The following BAIAP2 variants were observed in gnomAD, a reference collection of about 807,000 sequenced individuals.
The protein encoded by BAIAP2 is BAR/IMD domain containing adaptor protein 2, also known as BAR/IMD domain-containing adapter protein 2.
Under a neutral mutation model 63.0 loss-of-function variants are expected in BAIAP2, and 18 were observed. The ratio of observed to expected loss-of-function variants is 0.29; its 90% confidence interval spans 0.20 to 0.42. BAIAP2 has a LOEUF of 0.42. Among genes scored for constraint, BAIAP2 ranks in the 10% least tolerant of loss-of-function variants. BAIAP2 has a pLI of 1.00. For synonymous variants in BAIAP2, 386 were observed against 307.6 expected (o/e 1.25, Z -2.67); for missense variants, 610 against 734.3 (o/e 0.83, Z 1.96).
At chr17:81,045,899 C>G (rs1279819333) in intron 1 of BAIAP2, among the ~76,000 whole-genome samples, 3 of 152,156 alleles carry the variant, frequency 2.0e-5, no homozygotes, top group Non-Finnish European at 4.4e-5. Context: ...GGGGACCAGC[C>G]CCCTCTGTTG....
At chr17:81,078,161 T>C (rs1598663305) in intron 3 of BAIAP2, among the ~76,000 whole-genome samples, 2 of 139,254 alleles carry the variant, frequency 1.4e-5, no homozygotes, top group African/African-American at 2.7e-5. Context: ...AGCTGGATGC[T>C]GTGGGTGCGG....
chr17:81,110,954 GAGTT>G (rs753617957), intron 13 of BAIAP2: 1 of 1,613,922 alleles, frequency 6.2e-7, no homozygotes. Context: ...CGCCTGACTA[GAGTT>G]AGTAAGTTGC....
At chr17:81,056,275 T>C (rs2049543737) in intron 2 of BAIAP2, 1 of 152,256 alleles carries the variant, frequency 6.6e-6, no homozygotes, top group Non-Finnish European at 1.5e-5. Context: ...AGACCAGTTG[T>C]TCATCTCTTC....
intron 4 of BAIAP2, 112 bp from the exon 5 acceptor site, chr17:81,085,542 C>A: frequency 1.1e-6 from 1 of 889,364 alleles, no homozygotes; most frequent in Non-Finnish European, 1.8e-6. Context: ...GCCCCTCCTG[C>A]ACAGCCGGGA....
intron 6 of BAIAP2, among the ~76,000 whole-genome samples, chr17:81,099,212 G>C (rs2058151699): frequency 8.4e-6 from 1 of 118,872 alleles, no homozygotes; most frequent in African/African-American, 3.2e-5. Context: ...CCTCTTGTCT[G>C]ATCCTCCCCA....
intron 1 of BAIAP2, among the ~76,000 whole-genome samples, chr17:81,050,207 A>AG (rs1256284345): frequency 6.6e-6 from 1 of 152,192 alleles, no homozygotes; most frequent in African/African-American, 2.4e-5. Context: ...CCGCCCGGGA[A>AG]GGGGAGTCCC....
chr17:81,110,090 G>A, intron 13 of BAIAP2: 1 of 985,350 alleles, frequency 1.0e-6, no homozygotes, highest in Non-Finnish European at 1.2e-6. Flanking sequence ...GGGGAATTGA[G>A]TGCAGGGCAC....
chr17:81,089,100 G>A (rs563921828), intron 6 of BAIAP2, among the ~76,000 whole-genome samples: 100 of 152,384 alleles, frequency 6.6e-4, no homozygotes, highest in Non-Finnish European at 9.8e-4. Flanking sequence ...ATTTACTCCC[G>A]AGGCTGTGTG....
chr17:81,093,980 G>T (rs2057244894), intron 6 of BAIAP2, among the ~76,000 whole-genome samples: 1 of 136,286 alleles, frequency 7.3e-6, no homozygotes, highest in South Asian at 2.2e-4. Flanking sequence ...ATGTTTCTCT[G>T]GAGTAACATC....
At chr17:81,057,175 G>A (rs1308739239) in intron 2 of BAIAP2, among the ~76,000 whole-genome samples, 1 of 152,230 alleles carries the variant, frequency 6.6e-6, no homozygotes, top group Non-Finnish European at 1.5e-5. Context: ...GTCAGGGCGG[G>A]GCTCCCTGTC....
chr17:81,039,253 C>T (rs1031962582), intron 1 of BAIAP2, among the ~76,000 whole-genome samples: 2 of 152,256 alleles, frequency 1.3e-5, no homozygotes, highest in Non-Finnish European at 2.9e-5. Flanking sequence ...GTCATGCTGC[C>T]CTCTGGGCTG....
intron 7 of BAIAP2, among the ~76,000 whole-genome samples, chr17:81,103,214 C>T (rs1361380297): frequency 6.6e-6 from 1 of 152,240 alleles, no homozygotes; most frequent in Non-Finnish European, 1.5e-5. Flanking sequence ...TCCGTTCCTC[C>T]TTCCTCCAGG....
rs868770138 is a variant in BAIAP2, at chr17:81,089,357, G to C, written c.489+2777G>C. Among the ~76,000 whole-genome samples, 9 of 152,328 alleles carry C rather than the reference G, an allele frequency of 5.9e-5. No homozygotes were observed. The South Asian group carries it at 1.5e-3, about 25-fold the overall frequency. On this transcript the variant is annotated intron_variant, in intron 6 of 13. Transcript: ENST00000428708. ...AAGGGTCACCTGATTCGCAGCCACA[G>C]GGGGCTGGACCTGGCGGTGACTCGA...
chr17:81,101,417 C>T (rs1284493893), intron 7 of BAIAP2, among the ~76,000 whole-genome samples: 1 of 152,182 alleles, frequency 6.6e-6, no homozygotes, highest in Non-Finnish European at 1.5e-5. Context: ...GGCCCCTGTT[C>T]ACCCATAGTC....
intron 1 of BAIAP2, among the ~76,000 whole-genome samples, chr17:81,045,975 C>A (rs1389096650): frequency 6.6e-6 from 1 of 152,154 alleles, no homozygotes; most frequent in Non-Finnish European, 1.5e-5. Flanking sequence ...GAGCCCTCTG[C>A]GGGGTCTCAT....
intron 6 of BAIAP2, among the ~76,000 whole-genome samples, chr17:81,092,548 A>G (rs1253437085): frequency 6.6e-6 from 1 of 152,148 alleles, no homozygotes; most frequent in African/African-American, 2.4e-5. Flanking sequence ...TTGTTCAAGA[A>G]CTGCTTGTAA....
At chr17:81,057,015 A>T (rs2049704854) in intron 2 of BAIAP2, among the ~76,000 whole-genome samples, 2 of 152,284 alleles carry the variant, frequency 1.3e-5, no homozygotes, top group South Asian at 4.1e-4. Context: ...GTGCCGCAGA[A>T]CAAATTGTGC....
intron 10 of BAIAP2, 23 bp downstream of exon 10, chr17:81,104,738 C>CT: frequency 6.5e-7 from 1 of 1,541,648 alleles, no homozygotes; most frequent in Non-Finnish European, 8.8e-7. Flanking sequence ...CGGGGGCGGG[C>CT]TCCAGGCAGC....
intron 3 of BAIAP2, among the ~76,000 whole-genome samples, chr17:81,071,966 G>T (rs56278119): frequency 0.32 from 48,032 of 152,118 alleles, 8,009 homozygotes; most frequent in Admixed American, 0.39. Flanking sequence ...CTCTCCTCTC[G>T]TCCGTGATCA....
Sources: gnomAD v4.1 joint callset for allele counts (sites outside exome capture counted in the v4.1 genomes callset) on GRCh38, gnomAD v4.1.1 for gene constraint, MANE v1.5 for transcripts, NCBI Gene and HGNC (gene_info 2026-07-23, HGNC 2026-07-21) for gene names.